The following TNIK variants were observed in gnomAD, a reference collection of about 807,000 sequenced individuals.
TNIK encodes the protein TRAF2 and NCK interacting kinase.
Under a neutral mutation model 191.3 loss-of-function variants are expected in TNIK, and 49 were observed. The observed-to-expected ratio is 0.26, with a 90% CI of 0.20 to 0.32. The LOEUF (loss-of-function observed/expected upper bound fraction) is 0.32. Ranked by LOEUF, TNIK falls within the 10% of genes least tolerant of loss-of-function variation. The pLI, the probability that TNIK is intolerant of heterozygous loss-of-function variation, is 1.00. For synonymous variants in TNIK, 594 were observed against 600.9 expected, an observed-to-expected ratio of 0.99 and a Z score of 0.17; for missense variants, 1,155 against 1,702.3, an observed-to-expected ratio of 0.68 and a Z score of 5.66.
rs183390626 is a variant in TNIK at position 171,135,429 on chromosome 3, T to A, written c.1608+2762A>T. On this transcript the variant is annotated intron_variant, in intron 15 of 32. Transcript: ENST00000436636. ...TTATTTGTTCTTATTTGTACATCGA[T>A]TGCTCCAGTCCTAAATTTAGCACTG... is the stretch of plus-strand genomic sequence containing the variant. Among the ~76,000 whole-genome samples the A allele has an allele frequency of 1.1e-3, 173 of 152,360 alleles. 1 individual carries two copies. Among genetic ancestry groups the A allele is most frequent in the African/African-American group, 4.1e-3 (169 of 41,588 alleles).
rs200874519 is a variant in TNIK, at chr3:171,234,412, CT to C, written c.124-6192del. Among the ~76,000 whole-genome samples the C allele has an allele frequency of 1.8e-4, 28 of 152,302 alleles. No homozygotes were observed. In the East Asian group the frequency reaches 5.4e-3, roughly 29 times the overall value. Reference sequence around the variant, plus strand: ...TAATTCAGACTTTATGGCTCCCAGACTTGTGGCAGAGGTAAAGCAAGGTACC... The same window carrying C: ...TAATTCAGACTTTATGGCTCCCAGACTGTGGCAGAGGTAAAGCAAGGTACC... On this transcript the variant is annotated intron_variant, in intron 2 of 32. Coordinates refer to ENST00000436636, the MANE Select transcript of TNIK (RefSeq NM_015028.4).
chr3:171,091,932 T>TAA (rs1722120384), intron 23 of TNIK, among the ~76,000 whole-genome samples: 1 of 148,586 alleles, frequency 6.7e-6, no homozygotes, highest in African/African-American at 2.4e-5. Flanking sequence ...TGGCAAATGC[T>TAA]ATTTTCTTTC....
At chr3:171,325,863 T>C (rs942071393) in intron 2 of TNIK, among the ~76,000 whole-genome samples, 4 of 152,152 alleles carry the variant, frequency 2.6e-5, no homozygotes, top group Non-Finnish European at 2.9e-5. Flanking sequence ...ACCTCTTGAA[T>C]GAAAAAGAGA....
intron 2 of TNIK, among the ~76,000 whole-genome samples, chr3:171,274,317 T>C (rs1319346914): frequency 6.6e-6 from 1 of 152,174 alleles, no homozygotes; most frequent in Non-Finnish European, 1.5e-5. Flanking sequence ...CTTATCAAAA[T>C]ACAATTTATT....
intron 4 of TNIK, among the ~76,000 whole-genome samples, chr3:171,206,893 C>T (rs1740162075): frequency 6.6e-6 from 1 of 152,142 alleles, no homozygotes; most frequent in African/African-American, 2.4e-5. Flanking sequence ...TTCAACTTAA[C>T]ATGAAAACCA....
intron 1 of TNIK, among the ~76,000 whole-genome samples, chr3:171,395,809 C>G (rs1720155903): frequency 6.6e-6 from 1 of 152,120 alleles, no homozygotes; most frequent in South Asian, 2.1e-4. Flanking sequence ...ACTTAGGAAA[C>G]AGAACGTTAC....
chr3:171,367,266 C>T (rs1269210714), intron 2 of TNIK, among the ~76,000 whole-genome samples: 2 of 152,046 alleles, frequency 1.3e-5, no homozygotes, highest in Non-Finnish European at 2.9e-5. Context: ...TATCTTTTAG[C>T]TCGTATTTTG....
chr3:171,264,506 C>T (rs1049170923), intron 2 of TNIK, among the ~76,000 whole-genome samples: 1 of 152,064 alleles, frequency 6.6e-6, no homozygotes, highest in Non-Finnish European at 1.5e-5. Flanking sequence ...CAGGCATGCG[C>T]TACCACACCC....
intron 18 of TNIK, among the ~76,000 whole-genome samples, chr3:171,118,636 A>T (rs919408810): frequency 3.9e-5 from 6 of 152,224 alleles, no homozygotes; most frequent in African/African-American, 1.4e-4. Flanking sequence ...ATGATGCCAC[A>T]TATCTATAAC....
chr3:171,458,567 G>T (rs1391928724), intron 1 of TNIK, among the ~76,000 whole-genome samples: 1 of 152,192 alleles, frequency 6.6e-6, no homozygotes, highest in Non-Finnish European at 1.5e-5. Flanking sequence ...TGGAGGAAAA[G>T]GTTTAATTAA....
At chr3:171,290,535 A>G (rs11918570) in intron 2 of TNIK, among the ~76,000 whole-genome samples, 6,264 of 152,320 alleles carry the variant, frequency 0.041, 178 homozygotes, top group African/African-American at 0.081. Flanking sequence ...TGTCAAAATG[A>G]ATTTTATTAA....
At chr3:171,197,985 T>A (rs1243689226) in intron 4 of TNIK, among the ~76,000 whole-genome samples, 6 of 152,042 alleles carry the variant, frequency 3.9e-5, no homozygotes, top group African/African-American at 1.4e-4. Context: ...GTAGCACTAT[T>A]CACAATAGAC....
intron 7 of TNIK, among the ~76,000 whole-genome samples, chr3:171,185,179 G>C (rs548840412): frequency 1.7e-3 from 53 of 31,484 alleles, no homozygotes; most frequent in African/African-American, 0.016. Flanking sequence ...TAGATTTCCC[G>C]TGTGTGTGTG....
chr3:171,383,073 C>T lies in TNIK; in HGVS notation c.58-13388G>A, dbSNP rs1246215207. Among the ~76,000 whole-genome samples, 10 of 152,066 alleles carry T rather than the reference C, an allele frequency of 6.6e-5. No individual in the cohort carries two copies. The South Asian group carries it at 1.0e-3, about 16-fold the overall frequency. On this transcript the variant is annotated intron_variant, in intron 1 of 32. Transcript: ENST00000436636. ...TAGATTGCTCACAAGAGAAAAAAAG[C>T]GAGGCTACAAGAGCCTCCAATGCCA...
intron 21 of TNIK, 92 bp from the exon 22 acceptor site, chr3:171,101,725 A>G (rs1723597498): frequency 7.7e-6 from 8 of 1,045,242 alleles, no homozygotes; most frequent in South Asian, 3.7e-5. Flanking sequence ...AAGCAACAAG[A>G]AAAAAAAAAG....
chr3:171,285,408 G>A (rs1750901627), intron 2 of TNIK, among the ~76,000 whole-genome samples: 2 of 152,202 alleles, frequency 1.3e-5, no homozygotes, highest in African/African-American at 4.8e-5. Flanking sequence ...ACGTAGATGA[G>A]AAAGTAAAAG....
chr3:171,154,439 TG>T (rs1467702521), intron 12 of TNIK, among the ~76,000 whole-genome samples: 2 of 152,328 alleles, frequency 1.3e-5, no homozygotes, highest in Admixed American at 1.3e-4. Flanking sequence ...CAGGTGCTTC[TG>T]GGGTCTATTT....
At chr3:171,188,303 C>T (rs1465908241) in intron 7 of TNIK, among the ~76,000 whole-genome samples, 1 of 152,068 alleles carries the variant, frequency 6.6e-6, no homozygotes, top group African/African-American at 2.4e-5. Context: ...TCAGATTATT[C>T]TCAATCAGAA....
chr3:171,140,509 G>T lies in TNIK; in HGVS notation c.1222C>A (p.Gln408Lys). 1 of 1,613,276 alleles carries T rather than the reference G, an allele frequency of 6.2e-7. No homozygotes were observed. The highest frequency in any genetic ancestry group is 8.5e-7 in the Non-Finnish European group (1 of 1,179,802). ...QKEQRRRLEE[Q>K]QRREKELRKQ... is the part of the protein sequence containing the mutation. ...CGCAGCTCCTTCTCTCGCCTTTGTTGCTGTGGGGCAACAAGCAGACAACCA... is the reference window on the plus strand; with the variant it reads ...CGCAGCTCCTTCTCTCGCCTTTGTTTCTGTGGGGCAACAAGCAGACAACCA... The change falls in exon 13 of 33, where the codon CAA (glutamine) becomes AAA (lysine). Residue 408 changes from glutamine to lysine, a missense_variant and splice_region_variant. Transcript: ENST00000436636.
Sources: gnomAD v4.1 joint callset for allele counts (sites outside exome capture counted in the v4.1 genomes callset) on GRCh38, gnomAD v4.1.1 for gene constraint, MANE v1.5 for transcripts, NCBI Gene and HGNC (gene_info 2026-07-23, HGNC 2026-07-21) for gene names.